Variants in CSMD1 observed in about 807,000 individuals in gnomAD.
CSMD1 encodes CUB and Sushi multiple domains 1.
A neutral mutation model predicts 417.5 loss-of-function variants in CSMD1; 213 were observed. The ratio of observed to expected loss-of-function variants is 0.51; its 90% confidence interval spans 0.46 to 0.57. CSMD1 has a LOEUF of 0.57. Among genes scored for constraint, CSMD1 ranks in the 20% least tolerant of loss-of-function variants. The pLI is 0.00. For synonymous variants in CSMD1, 2,862 were observed against 1,736.8 expected, an observed-to-expected ratio of 1.65 and a Z score of -16.11; for missense variants, 6,923 against 4,529.7, an observed-to-expected ratio of 1.53 and a Z score of -15.17.
At chr8:4,161,938 G>A (rs1204717376) in intron 3 of CSMD1, among the ~76,000 whole-genome samples, 2 of 152,026 alleles carry the variant, frequency 1.3e-5, no homozygotes, top group African/African-American at 4.8e-5. Context: ...TAAATATTCA[G>A]TAAGTATAGT....
In CSMD1 at chr8:4,344,541, G is replaced by C. The variant is rs73506664; in HGVS notation, c.415+75412C>G. Among the ~76,000 whole-genome samples the C allele has an allele frequency of 3.7e-3, 554 of 150,168 alleles. 3 individuals are homozygous for C. Among genetic ancestry groups the C allele is most frequent in the African/African-American group, 0.013 (531 of 41,098 alleles). The stretch of plus-strand genomic sequence containing the variant: ...TGTCAGAAATATATATAAATAAATA[G>C]GTATATAAGAATATAAATATATACA... On this transcript the variant is annotated intron_variant, in intron 3 of 69. Coordinates refer to ENST00000635120, the MANE Select transcript of CSMD1 (RefSeq NM_033225.6).
chr8:3,979,502 T>C (rs1000886022), intron 5 of CSMD1, among the ~76,000 whole-genome samples: 50 of 152,134 alleles, frequency 3.3e-4, no homozygotes, highest in African/African-American at 1.2e-3. Context: ...CACTCCAAAA[T>C]TCATATACAG....
intron 3 of CSMD1, among the ~76,000 whole-genome samples, chr8:4,397,523 CTTTTTTTTTTTTTTTT>C (rs57745028): frequency 2.0e-4 from 12 of 59,938 alleles, no homozygotes; most frequent in Admixed American, 5.1e-4. Flanking sequence ...GCCTGAGACT[CTTTTTTTTTTTTTTTT>C]TTTTTTTTTT....
chr8:3,550,687 C>T (rs1266135541), intron 10 of CSMD1, among the ~76,000 whole-genome samples: 1 of 152,160 alleles, frequency 6.6e-6, no homozygotes, highest in Non-Finnish European at 1.5e-5. Context: ...CACCTGAAAT[C>T]TTGCTATTTG....
At chr8:4,787,311 G>A in intron 1 of CSMD1, 1 of 710,188 alleles carries the variant, frequency 1.4e-6, no homozygotes, top group Non-Finnish European at 2.6e-6. Context: ...CGCGGTCGCA[G>A]CCCTCAGCCC....
At chr8:3,770,930 A>G (rs1374082780) in intron 5 of CSMD1, among the ~76,000 whole-genome samples, 1 of 152,138 alleles carries the variant, frequency 6.6e-6, no homozygotes, top group African/African-American at 2.4e-5. Context: ...TAGCTTGGTG[A>G]ATCTCCGAAT....
chr8:3,190,091 T>G lies in CSMD1; in HGVS notation c.5219A>C (p.Gln1740Pro). Residue 1740 changes from glutamine (Q) to proline (P), a missense_variant, in exon 34 of 70, where the codon CAA (glutamine) becomes CCA (proline). Coordinates refer to ENST00000635120, the MANE Select transcript of CSMD1 (RefSeq NM_033225.6). ...YQAVPRTSDT[Q>P]CSSVPEPRYG... ...TCTGGGCTCGGGGACAGAGCTGCAT[T>G]GGGTGTCACTGGTACGAGGAACAGC... 1 of 1,591,460 alleles carries G rather than the reference T, an allele frequency of 6.3e-7. No individual in the cohort carries two copies. Among genetic ancestry groups the G allele is most frequent in the Non-Finnish European group, 8.6e-7 (1 of 1,168,990 alleles).
chr8:3,081,888 G>C (rs750539043), intron 49 of CSMD1, among the ~76,000 whole-genome samples: 17 of 152,144 alleles, frequency 1.1e-4, no homozygotes, highest in East Asian at 1.9e-4. Flanking sequence ...TAGCCTCAGA[G>C]TCACTACTGG....
At chr8:3,106,738 A>G in intron 45 of CSMD1, 97 bp from the exon 46 acceptor site, 1 of 574,890 alleles carries the variant, frequency 1.7e-6, no homozygotes, top group Non-Finnish European at 3.1e-6. Flanking sequence ...AATTAAATCA[A>G]CTTGCAAATC....
At chr8:4,186,190 G>C (rs766398345) in intron 3 of CSMD1, among the ~76,000 whole-genome samples, 1 of 152,132 alleles carries the variant, frequency 6.6e-6, no homozygotes, top group South Asian at 2.1e-4. Context: ...GAATGTTCCA[G>C]AGAACATTGT....
chr8:4,834,632 G>C (rs185643473), intron 1 of CSMD1, among the ~76,000 whole-genome samples: 32 of 152,030 alleles, frequency 2.1e-4, no homozygotes, highest in South Asian at 1.7e-3. Context: ...AGAGGAAGTA[G>C]CTAGCTAGTG....
At chr8:4,464,194 G>C (rs1300175298) in intron 2 of CSMD1, among the ~76,000 whole-genome samples, 1 of 152,074 alleles carries the variant, frequency 6.6e-6, no homozygotes, top group Non-Finnish European at 1.5e-5. Context: ...CTCTAATTTA[G>C]CCTTCCAAGA....
intron 39 of CSMD1, among the ~76,000 whole-genome samples, chr8:3,155,359 A>ATTTTGTTTTTTTTTTTTTTTTTTT (rs1819453861): frequency 2.3e-5 from 1 of 43,316 alleles, no homozygotes; most frequent in Non-Finnish European, 4.7e-5. Context: ...CAAGGCTGGG[A>ATTTTGTTTTTTTTTTTTTTTTTTT]TTTTTTTTTT....
chr8:3,479,167 C>T (rs1817595060), intron 11 of CSMD1, among the ~76,000 whole-genome samples: 1 of 152,168 alleles, frequency 6.6e-6, no homozygotes, highest in Non-Finnish European at 1.5e-5. Flanking sequence ...ATTGGAACCT[C>T]CTCCCCAGCC....
At chr8:4,640,274 G>T (rs1376926437) in intron 1 of CSMD1, among the ~76,000 whole-genome samples, 1 of 152,304 alleles carries the variant, frequency 6.6e-6, no homozygotes, top group Admixed American at 6.5e-5. Context: ...TTAGCAGAAT[G>T]AATATCATCG....
intron 5 of CSMD1, among the ~76,000 whole-genome samples, chr8:3,859,349 A>G (rs555174739): frequency 2.0e-5 from 3 of 152,148 alleles, no homozygotes; most frequent in Middle Eastern, 3.2e-3. Context: ...ATTCTCCATA[A>G]TATTTTAGGT....
intron 10 of CSMD1, among the ~76,000 whole-genome samples, chr8:3,537,439 A>G (rs965728881): frequency 5.3e-5 from 8 of 152,214 alleles, no homozygotes; most frequent in Admixed American, 3.9e-4. Flanking sequence ...CCAAAAATTG[A>G]TATGTTAGCT....
At chr8:4,090,542 T>A (rs1487702768) in intron 3 of CSMD1, among the ~76,000 whole-genome samples, 1 of 152,228 alleles carries the variant, frequency 6.6e-6, no homozygotes, top group Admixed American at 6.5e-5. Context: ...TGTCTTGGAT[T>A]ATCTTGCTTT....
At chr8:4,106,062 G>A (rs959822155) in intron 3 of CSMD1, among the ~76,000 whole-genome samples, 5 of 152,226 alleles carry the variant, frequency 3.3e-5, no homozygotes, top group African/African-American at 1.2e-4. Context: ...AGGGGTGCCA[G>A]GCAGGAGAAA....
Sources: gnomAD v4.1 joint callset for allele counts (sites outside exome capture counted in the v4.1 genomes callset) on GRCh38, gnomAD v4.1.1 for gene constraint, MANE v1.5 for transcripts, NCBI Gene and HGNC (gene_info 2026-07-23, HGNC 2026-07-21) for gene names.